The following CIT variants were observed in gnomAD, a reference collection of about 807,000 sequenced individuals.
The protein encoded by CIT is citron Rho-interacting kinase.
CIT carries 79 observed loss-of-function variants against 272.7 expected under a neutral mutation model. That is an observed-to-expected ratio of 0.29 (90% CI 0.24 to 0.35). The LOEUF (loss-of-function observed/expected upper bound fraction) is 0.35. Ranked by LOEUF, CIT falls within the 10% of genes least tolerant of loss-of-function variation. The pLI, the probability that CIT is intolerant of heterozygous loss-of-function variation, is 1.00. For missense variants in CIT, 1,909 were observed against 2,618.3 expected (o/e 0.73, Z 5.91); for synonymous variants, 948 against 995.6 (o/e 0.95, Z 0.90).
chr12:119,832,942 G>T, intron 6 of CIT, 78 bp from the exon 7 acceptor site: 1 of 1,032,538 alleles, frequency 9.7e-7, no homozygotes, highest in Non-Finnish European at 1.5e-6. Flanking sequence ...TCTCAATTGA[G>T]CCAAAAATCT....
intron 18 of CIT, among the ~76,000 whole-genome samples, chr12:119,769,784 A>G (rs1356761244): frequency 1.3e-5 from 2 of 152,214 alleles, no homozygotes; most frequent in African/African-American, 4.8e-5. Context: ...ATTCGAGAAC[A>G]TCCATATATT....
In CIT at chr12:119,771,014, G is replaced by T. The variant is rs115918466; in HGVS notation, c.2083-104C>A. 559 of 1,399,428 alleles carry T rather than the reference G, an allele frequency of 4.0e-4. 1 individual carries two copies. The African/African-American group carries it at 7.4e-3, about 18-fold the overall frequency. 86.7% of individuals were successfully genotyped at this position (1,399,428 alleles called of 1,614,324 possible). On this transcript the variant is annotated intron_variant, in intron 17 of 47. Transcript: ENST00000392521. ...CTCAAGAAGCATACACTCGAGTCAG[G>T]AAGAAAAGTCTCAGGCACCCGAAGC...
chr12:119,739,772 G>T (rs1205102976), intron 24 of CIT, among the ~76,000 whole-genome samples: 4 of 152,052 alleles, frequency 2.6e-5, no homozygotes, highest in African/African-American at 7.3e-5. Flanking sequence ...TATGAGGGAG[G>T]TACTACTACC....
intron 10 of CIT, among the ~76,000 whole-genome samples, chr12:119,801,615 G>C (rs1182319999): frequency 1.3e-5 from 2 of 152,160 alleles, no homozygotes; most frequent in East Asian, 1.9e-4. Flanking sequence ...CCAGTACGAC[G>C]TGTGACCTTC....
chr12:119,847,647 T>C (rs1969909606), intron 5 of CIT, among the ~76,000 whole-genome samples: 1 of 151,480 alleles, frequency 6.6e-6, no homozygotes. Context: ...TCCCAGCACT[T>C]TGGGAGGCCA....
At chr12:119,795,340 T>G (rs984309545) in intron 10 of CIT, among the ~76,000 whole-genome samples, 1 of 152,128 alleles carries the variant, frequency 6.6e-6, no homozygotes, top group African/African-American at 2.4e-5. Flanking sequence ...TAAGCTGAGA[T>G]TGTGTCACCG....
At chr12:119,733,553 C>A (rs11064890) in intron 26 of CIT, among the ~76,000 whole-genome samples, 36,213 of 149,612 alleles carry the variant, frequency 0.24, 4,668 homozygotes, top group Middle Eastern at 0.34. Flanking sequence ...ACAAAAAAAA[C>A]CCACTAAACT....
intron 44 of CIT, among the ~76,000 whole-genome samples, chr12:119,698,981 G>A (rs771953993): frequency 2.6e-5 from 4 of 152,192 alleles, no homozygotes; most frequent in South Asian, 2.1e-4. Flanking sequence ...CGGGCTGGGC[G>A]CGGTGGCTCA....
At chr12:119,767,046 CTA>C (rs1962531809) in intron 19 of CIT, 39 bp downstream of exon 19, 1 of 1,500,664 alleles carries the variant, frequency 6.7e-7, no homozygotes, top group Non-Finnish European at 9.1e-7. Flanking sequence ...CTACATGGTA[CTA>C]TAGGAGCAAG....
chr12:119,744,710 G>A (rs1279344301), intron 23 of CIT, among the ~76,000 whole-genome samples: 4 of 60,632 alleles, frequency 6.6e-5, no homozygotes, highest in Admixed American at 2.6e-4. Context: ...GCGAGACTCC[G>A]CCTCAAAAAA....
chr12:119,697,784 G>A lies in CIT; in HGVS notation c.5757C>T (p.Ala1919=), dbSNP rs900618742. 11 of 1,614,126 alleles carry A rather than the reference G, an allele frequency of 6.8e-6. No homozygotes were observed. The highest frequency in any genetic ancestry group is 9.3e-6 in the Non-Finnish European group (11 of 1,180,026). ...DIPNPRYLGP[A]ISSGAIYLAS... ...CCAAGTAAATCGCTCCTGAGGAAAT[G>A]GCAGGGCCCAGGTAGCGCGGGTTCG... The change falls in exon 46 of 48, where the codon GCC becomes GCT. Residue 1919 remains alanine (A), a synonymous_variant. Transcript: ENST00000392521. The surrounding 1 kb of genome is among the most constrained non-coding windows in gnomAD (Gnocchi z 4.9).
At chr12:119,727,404 G>C (rs576733669) in intron 28 of CIT, among the ~76,000 whole-genome samples, 1 of 152,288 alleles carries the variant, frequency 6.6e-6, no homozygotes, top group South Asian at 2.1e-4. Flanking sequence ...GCTAAGCTAT[G>C]AGTATGAAGG....
intron 5 of CIT, among the ~76,000 whole-genome samples, chr12:119,835,254 C>A (rs1208321415): frequency 6.6e-6 from 1 of 152,236 alleles, no homozygotes; most frequent in Non-Finnish European, 1.5e-5. Context: ...CTTCACCTCG[C>A]TGCCTTTCAG....
At chr12:119,780,823 A>C (rs182143090) in intron 13 of CIT, among the ~76,000 whole-genome samples, 1 of 152,364 alleles carries the variant, frequency 6.6e-6, no homozygotes, top group Admixed American at 6.5e-5. Context: ...ATGAAAAATC[A>C]AATCTGAAAC....
At chr12:119,859,263 C>T (rs1041527313) in intron 3 of CIT, among the ~76,000 whole-genome samples, 1 of 152,210 alleles carries the variant, frequency 6.6e-6, no homozygotes, top group African/African-American at 2.4e-5. Context: ...AGATGCCACA[C>T]TGAAGACCAA....
At chr12:119,689,710 C>T (rs1955816233) in intron 47 of CIT, among the ~76,000 whole-genome samples, 2 of 122,940 alleles carry the variant, frequency 1.6e-5, no homozygotes, top group South Asian at 2.8e-4. Flanking sequence ...CAGAGTCTCG[C>T]TCTGTCACCC....
At chr12:119,843,192 T>C (rs543649871) in intron 5 of CIT, among the ~76,000 whole-genome samples, 2 of 151,856 alleles carry the variant, frequency 1.3e-5, no homozygotes, top group African/African-American at 4.8e-5. Flanking sequence ...GATGTTAAGG[T>C]AGAAAGAGAG....
chr12:119,837,295 GA>G (rs1289931773), intron 5 of CIT, among the ~76,000 whole-genome samples: 1 of 152,222 alleles, frequency 6.6e-6, no homozygotes, highest in African/African-American at 2.4e-5. Flanking sequence ...ATTCTAGTAT[GA>G]ATGGAGGCCA....
At position 119,742,393 on chromosome 12, in the gene CIT, TG is replaced by T; in HGVS notation, c.2958+17del. 3 of 1,578,554 alleles carry T rather than the reference TG, an allele frequency of 1.9e-6. No homozygotes were observed. Among genetic ancestry groups the T allele is most frequent in the African/African-American group, 1.4e-5 (1 of 73,442 alleles). Reference sequence around the variant, plus strand: ...AGTTTCATGTTATTTTAATCGTCTTTGGGTAATTAATACTCACAGTACAGCT... The same window carrying T: ...AGTTTCATGTTATTTTAATCGTCTTTGGTAATTAATACTCACAGTACAGCT... On this transcript the variant is annotated intron_variant, in intron 24 of 47. Coordinates refer to ENST00000392521, the MANE Select transcript of CIT (RefSeq NM_001206999.2).
Sources: allele counts gnomAD v4.1 joint callset (sites outside exome capture counted in the v4.1 genomes callset), GRCh38; gene constraint gnomAD v4.1.1; non-coding constraint Gnocchi (gnomAD v3.1); transcripts MANE v1.5; gene names NCBI Gene and HGNC (gene_info 2026-07-23, HGNC 2026-07-21).